The following ST6GALNAC3 variants were observed in gnomAD, a reference collection of about 807,000 sequenced individuals.
ST6GALNAC3 encodes alpha-N-acetylgalactosaminide alpha-2,6-sialyltransferase 3.
Under a neutral mutation model 32.7 loss-of-function variants are expected in ST6GALNAC3, and 25 were observed. The observed-to-expected ratio is 0.76, with a 90% CI of 0.56 to 1.07. The LOEUF (loss-of-function observed/expected upper bound fraction) is 1.07, where lower values mean the gene tolerates loss of function less well. Among genes scored for constraint, ST6GALNAC3 ranks in the 50% least tolerant of loss-of-function variants. The pLI is 0.00. For missense variants in ST6GALNAC3, 355 were observed against 382.4 expected (o/e 0.93, Z 0.60); for synonymous variants, 129 against 133.1 (o/e 0.97, Z 0.21).
intron 3 of ST6GALNAC3, among the ~76,000 whole-genome samples, chr1:76,597,545 G>T (rs1178398136): frequency 6.6e-6 from 1 of 151,882 alleles, no homozygotes; most frequent in African/African-American, 2.4e-5. Flanking sequence ...TTTATCTAGA[G>T]ACTCTTTGTT....
chr1:76,109,926 GA>G (rs1209070252), intron 1 of ST6GALNAC3, among the ~76,000 whole-genome samples: 1 of 151,784 alleles, frequency 6.6e-6, no homozygotes, highest in Non-Finnish European at 1.5e-5. Flanking sequence ...ATTTCCACTG[GA>G]AAAAAAAGAC....
At position 76,631,623 on chromosome 1, in the gene ST6GALNAC3, T is replaced by C. The variant is rs922710932; in HGVS notation, c.*2817T>C. 4.6e-5 allele frequency: 7 copies of C among 152,074 alleles called. No individual in the cohort carries two copies. Among genetic ancestry groups the C allele is most frequent in the Admixed American group, 1.3e-4 (2 of 15,250 alleles). The allele number at this position is 152,074 out of a possible 1,614,324, so 9.4% of individuals were successfully genotyped here. On this transcript the variant is annotated 3_prime_UTR_variant, in exon 5 of 5. Coordinates refer to ENST00000328299, the MANE Select transcript of ST6GALNAC3 (RefSeq NM_152996.4). ...AGATATTCTATCCAACATTTAAACA[T>C]TGAAAAATTTAACTGAACTTACTTA...
chr1:76,307,009 A>G (rs892010645), intron 1 of ST6GALNAC3, among the ~76,000 whole-genome samples: 1 of 152,116 alleles, frequency 6.6e-6, no homozygotes, highest in East Asian at 1.9e-4. Context: ...TTGATTCAGT[A>G]TATCTCCCTT....
At chr1:76,600,126 C>T (rs1238211780) in intron 3 of ST6GALNAC3, among the ~76,000 whole-genome samples, 2 of 151,548 alleles carry the variant, frequency 1.3e-5, no homozygotes, top group African/African-American at 2.4e-5. Flanking sequence ...GGGGTCCTCA[C>T]GATTGGGATT....
chr1:76,172,005 T>C (rs1194831886), intron 1 of ST6GALNAC3, among the ~76,000 whole-genome samples: 2 of 152,032 alleles, frequency 1.3e-5, no homozygotes, highest in African/African-American at 2.4e-5. Context: ...GTCATCCTGA[T>C]ACCAAAACTG....
chr1:76,586,108 C>G (rs1646958618), intron 3 of ST6GALNAC3, among the ~76,000 whole-genome samples: 1 of 152,158 alleles, frequency 6.6e-6, no homozygotes, highest in African/African-American at 2.4e-5. Flanking sequence ...CTAATCTCAA[C>G]CCTTCTTTTC....
At chr1:76,454,481 G>A (rs1221105648) in intron 3 of ST6GALNAC3, among the ~76,000 whole-genome samples, 2 of 152,098 alleles carry the variant, frequency 1.3e-5, no homozygotes, top group Non-Finnish European at 2.9e-5. Context: ...TAGCTTGGTA[G>A]TACAAATTCT....
intron 1 of ST6GALNAC3, among the ~76,000 whole-genome samples, chr1:76,300,645 T>G (rs534479405): frequency 4.6e-5 from 7 of 152,104 alleles, no homozygotes; most frequent in African/African-American, 1.4e-4. Flanking sequence ...CAACATTATG[T>G]TGAGAGGATT....
intron 3 of ST6GALNAC3, among the ~76,000 whole-genome samples, chr1:76,434,681 G>A (rs1373993829): frequency 6.7e-6 from 1 of 150,322 alleles, no homozygotes; most frequent in African/African-American, 2.4e-5. Context: ...ATGAACAAAA[G>A]TATCTTCATG....
At chr1:76,450,160 C>T (rs1482684846) in intron 3 of ST6GALNAC3, among the ~76,000 whole-genome samples, 1 of 152,050 alleles carries the variant, frequency 6.6e-6, no homozygotes, top group Non-Finnish European at 1.5e-5. Flanking sequence ...ATACTGTTTT[C>T]TAGTGGTTGT....
chr1:76,621,754 GA>G (rs1312364755), intron 3 of ST6GALNAC3, among the ~76,000 whole-genome samples: 5 of 151,812 alleles, frequency 3.3e-5, no homozygotes, highest in East Asian at 3.9e-4. Context: ...ATGTGCTTTT[GA>G]AAAAAATGAG....
At chr1:76,346,598 A>G (rs1469101910) in intron 2 of ST6GALNAC3, among the ~76,000 whole-genome samples, 1 of 152,238 alleles carries the variant, frequency 6.6e-6, no homozygotes, top group Non-Finnish European at 1.5e-5. Flanking sequence ...TTTGGCTGCA[A>G]TGCACAGCTA....
chr1:76,618,679 T>G (rs1370158646), intron 3 of ST6GALNAC3, among the ~76,000 whole-genome samples: 1 of 152,128 alleles, frequency 6.6e-6, no homozygotes, highest in East Asian at 1.9e-4. Flanking sequence ...GTTGATCCCA[T>G]AAGTTTCCTC....
At chr1:76,588,831 C>T (rs144400006) in intron 3 of ST6GALNAC3, among the ~76,000 whole-genome samples, 145 of 152,290 alleles carry the variant, frequency 9.5e-4, no homozygotes, top group Non-Finnish European at 1.7e-3. Flanking sequence ...CACTAGGCTC[C>T]ACTTGTTCCA....
rs185803625 is a variant in ST6GALNAC3, at chr1:76,122,536, A to G, written c.18+47652A>G. 3.4e-3 allele frequency among the ~76,000 whole-genome samples: 513 copies of G among 152,010 alleles called. 1 individual carries two copies. Among genetic ancestry groups the G allele is most frequent in the Middle Eastern group, 0.024 (7 of 294 alleles). ...GAGAGTTTCCCAAGGTGAACCGAAG[A>G]CTCCTTGAAAGCCTCCTTCACTGGC... On this transcript the variant is annotated intron_variant, in intron 1 of 4. Transcript: ENST00000328299.
chr1:76,627,717 G>A (rs1439507119), intron 4 of ST6GALNAC3, among the ~76,000 whole-genome samples, 158 bp downstream of exon 4: 2 of 151,960 alleles, frequency 1.3e-5, no homozygotes, highest in African/African-American at 4.8e-5. Context: ...AGTGCGTCAA[G>A]TTGTGACTTC....
chr1:76,613,804 T>G (rs1177400368), intron 3 of ST6GALNAC3, among the ~76,000 whole-genome samples: 1 of 152,242 alleles, frequency 6.6e-6, no homozygotes, highest in African/African-American at 2.4e-5. Context: ...CAATGCTTCC[T>G]GGGTAGCCCA....
intron 3 of ST6GALNAC3, among the ~76,000 whole-genome samples, chr1:76,567,165 C>T (rs116224989): frequency 0.012 from 1,894 of 152,186 alleles, 39 homozygotes; most frequent in African/African-American, 0.043. Context: ...TCAGCAAATG[C>T]CTGGATCAAA....
intron 3 of ST6GALNAC3, among the ~76,000 whole-genome samples, chr1:76,570,488 T>C (rs1665796695): frequency 6.6e-6 from 1 of 152,054 alleles, no homozygotes; most frequent in Admixed American, 6.6e-5. Flanking sequence ...CCTTCCTCTA[T>C]TTACTATGAT....
Sources: allele counts gnomAD v4.1 joint callset (sites outside exome capture counted in the v4.1 genomes callset), GRCh38; gene constraint gnomAD v4.1.1; transcripts MANE v1.5; gene names NCBI Gene and HGNC (gene_info 2026-07-23, HGNC 2026-07-21).